Variants in FAM193A observed in about 807,000 individuals in gnomAD.
FAM193A encodes protein FAM193A.
A neutral mutation model predicts 126.5 loss-of-function variants in FAM193A; 22 were observed. That is an observed-to-expected ratio of 0.17 (90% CI 0.12 to 0.25). The LOEUF (loss-of-function observed/expected upper bound fraction) is 0.25. Among genes scored for constraint, FAM193A ranks in the 10% least tolerant of loss-of-function variants. The probability of loss-of-function intolerance (pLI) is 1.00; values close to 1 mark genes in which losing one functional copy is unlikely to be tolerated. For synonymous variants in FAM193A, 761 were observed against 646.8 expected (o/e 1.18, Z -2.68); for missense variants, 1,675 against 1,672.8 (o/e 1.00, Z -0.02).
At chr4:2,623,364 G>A (rs1337967706) in intron 2 of FAM193A, among the ~76,000 whole-genome samples, 1 of 152,156 alleles carries the variant, frequency 6.6e-6, no homozygotes, top group Non-Finnish European at 1.5e-5. Context: ...TAGAGACAGG[G>A]TTTCACCATG....
chr4:2,706,830 T>TA (rs1577244546), intron 19 of FAM193A, among the ~76,000 whole-genome samples: 2 of 151,504 alleles, frequency 1.3e-5, no homozygotes, highest in African/African-American at 2.4e-5. Context: ...TGGCTCCATT[T>TA]AAAAAAAGCT....
intron 5 of FAM193A, 112 bp downstream of exon 5, chr4:2,631,281 C>G (rs1743555994): frequency 2.3e-6 from 2 of 887,398 alleles, no homozygotes; most frequent in East Asian, 2.6e-5. Context: ...CCCCCACACA[C>G]TGTGATAGGC....
At chr4:2,676,940 C>CA (rs1003055909) in intron 13 of FAM193A, among the ~76,000 whole-genome samples, 172 of 143,622 alleles carry the variant, frequency 1.2e-3, no homozygotes, top group Admixed American at 1.0e-3. Flanking sequence ...GATTCCGTCT[C>CA]AAAAAAAAAA....
At chr4:2,623,525 G>A (rs996430204) in intron 2 of FAM193A, among the ~76,000 whole-genome samples, 1 of 152,256 alleles carries the variant, frequency 6.6e-6, no homozygotes, top group African/African-American at 2.4e-5. Context: ...CTTTTCTGCT[G>A]CAGGGTCTTA....
intron 1 of FAM193A, among the ~76,000 whole-genome samples, chr4:2,555,521 A>G (rs181668800): frequency 6.6e-6 from 1 of 152,324 alleles, no homozygotes; most frequent in Admixed American, 6.5e-5. Flanking sequence ...GTTTACAACC[A>G]TAATCCTAAC....
At chr4:2,697,082 G>A (rs952941956) in intron 18 of FAM193A, among the ~76,000 whole-genome samples, 1 of 152,164 alleles carries the variant, frequency 6.6e-6, no homozygotes, top group Non-Finnish European at 1.5e-5. Context: ...TGTTCCAGAT[G>A]AAGACCAGCA....
At chr4:2,591,857 G>C (rs1321021687) in intron 1 of FAM193A, among the ~76,000 whole-genome samples, 1 of 152,146 alleles carries the variant, frequency 6.6e-6, no homozygotes, top group Non-Finnish European at 1.5e-5. Context: ...AGTTTATTCA[G>C]AAAAGGTAAA....
chr4:2,680,965 C>T (rs1358197655), intron 13 of FAM193A, among the ~76,000 whole-genome samples: 2 of 152,022 alleles, frequency 1.3e-5, no homozygotes, highest in African/African-American at 4.8e-5. Context: ...CTTATAATAC[C>T]TTTTATGTTT....
At chr4:2,640,638 C>G (rs934418757) in intron 6 of FAM193A, among the ~76,000 whole-genome samples, 2 of 152,094 alleles carry the variant, frequency 1.3e-5, no homozygotes, top group African/African-American at 4.8e-5. Flanking sequence ...AATACAGACC[C>G]ATCGTGACAG....
intron 19 of FAM193A, chr4:2,708,240 C>G (rs1718529696): frequency 2.4e-6 from 1 of 419,974 alleles, no homozygotes; most frequent in African/African-American, 2.1e-5. Context: ...ATTGTGCTGC[C>G]TCAGCCTCCC....
chr4:2,713,607 G>T (rs916914222), intron 19 of FAM193A, among the ~76,000 whole-genome samples: 4 of 152,128 alleles, frequency 2.6e-5, no homozygotes, highest in African/African-American at 9.7e-5. Context: ...CATTCTTTGT[G>T]TTTTCTCTTT....
chr4:2,689,749 A>T, intron 14 of FAM193A, 45 bp downstream of exon 14: 1 of 1,381,522 alleles, frequency 7.2e-7, no homozygotes, highest in Non-Finnish European at 1.0e-6. Flanking sequence ...AAATAACCTG[A>T]GTAGACTGAC....
chr4:2,629,568 T>C (rs1332930348), intron 4 of FAM193A, among the ~76,000 whole-genome samples: 2 of 152,244 alleles, frequency 1.3e-5, no homozygotes, highest in East Asian at 1.9e-4. Context: ...AATTTAAAAA[T>C]AGAACAGGTG....
intron 2 of FAM193A, among the ~76,000 whole-genome samples, chr4:2,603,456 T>C (rs887360136): frequency 1.5e-5 from 2 of 132,546 alleles, no homozygotes; most frequent in African/African-American, 5.6e-5. Context: ...AGCTAATTTT[T>C]TTTTTTTTTT....
At chr4:2,684,329 T>C (rs990592187) in intron 13 of FAM193A, among the ~76,000 whole-genome samples, 2 of 152,194 alleles carry the variant, frequency 1.3e-5, no homozygotes, top group African/African-American at 4.8e-5. Flanking sequence ...GCCTGCCACT[T>C]AAGTCCTGAT....
intron 1 of FAM193A, among the ~76,000 whole-genome samples, chr4:2,539,337 A>AAAATT (rs1737080259): frequency 6.6e-6 from 1 of 152,104 alleles, no homozygotes; most frequent in Non-Finnish European, 1.5e-5. Flanking sequence ...ACTAATTACT[A>AAAATT]AGGGCACAGA....
chr4:2,570,989 G>A (rs1739260970), intron 1 of FAM193A, among the ~76,000 whole-genome samples: 1 of 152,090 alleles, frequency 6.6e-6, no homozygotes, highest in Non-Finnish European at 1.5e-5. Flanking sequence ...ACTCAGTTTC[G>A]CTTACGGAGT....
intron 15 of FAM193A, 84 bp from the exon 16 acceptor site, chr4:2,693,502 T>G: frequency 7.5e-7 from 1 of 1,324,978 alleles, no homozygotes. Flanking sequence ...GAATGGGTAC[T>G]CTTTGTGTGT....
intron 20 of FAM193A, among the ~76,000 whole-genome samples, chr4:2,728,088 C>T (rs1413657907): frequency 6.6e-5 from 10 of 151,992 alleles, no homozygotes; most frequent in Non-Finnish European, 1.5e-5. Context: ...TGCGTCACCA[C>T]GCCTGGCTAA....
Sources: gnomAD v4.1 joint callset for allele counts (sites outside exome capture counted in the v4.1 genomes callset) on GRCh38, gnomAD v4.1.1 for gene constraint, MANE v1.5 for transcripts, NCBI Gene and HGNC (gene_info 2026-07-23, HGNC 2026-07-21) for gene names.